The following MAPK10 variants were observed in gnomAD, a reference collection of about 807,000 sequenced individuals.
MAPK10 encodes the protein mitogen-activated protein kinase 10, also known as JNK3 alpha protein kinase.
A neutral mutation model predicts 59.3 loss-of-function variants in MAPK10; 25 were observed. That is an observed-to-expected ratio of 0.42 (90% CI 0.31 to 0.59). The LOEUF is 0.59. Ranked by LOEUF, MAPK10 falls within the 20% of genes least tolerant of loss-of-function variation. The probability of loss-of-function intolerance (pLI) is 0.15; values close to 1 mark genes in which losing one functional copy is unlikely to be tolerated. For synonymous variants in MAPK10, 190 were observed against 200.5 expected (o/e 0.95, Z 0.44); for missense variants, 351 against 568.9 (o/e 0.62, Z 3.90).
intron 2 of MAPK10, among the ~76,000 whole-genome samples, chr4:86,342,994 TC>T (rs1215037678): frequency 6.6e-6 from 1 of 152,112 alleles, no homozygotes; most frequent in African/African-American, 2.4e-5. Flanking sequence ...ATTCAGGGCC[TC>T]CCTCAGTCTG....
intron 1 of MAPK10, among the ~76,000 whole-genome samples, chr4:86,557,442 T>G (rs983444478): frequency 1.5e-4 from 23 of 152,048 alleles, no homozygotes; most frequent in African/African-American, 5.3e-4. Context: ...TTTTAAAATC[T>G]AAGAAAAGTA....
chr4:86,155,023 C>A (rs1273648937), intron 4 of MAPK10, among the ~76,000 whole-genome samples: 1 of 152,160 alleles, frequency 6.6e-6, no homozygotes, highest in Non-Finnish European at 1.5e-5. Flanking sequence ...ATGTTCCCAA[C>A]CTTTTCCAAT....
At chr4:86,235,667 C>A (rs901196446) in intron 2 of MAPK10, among the ~76,000 whole-genome samples, 3 of 152,116 alleles carry the variant, frequency 2.0e-5, no homozygotes, top group African/African-American at 7.2e-5. Context: ...AAAATCTAAG[C>A]CCTCAAGCAT....
At chr4:86,238,163 A>T (rs1192970143) in intron 2 of MAPK10, among the ~76,000 whole-genome samples, 3 of 151,920 alleles carry the variant, frequency 2.0e-5, no homozygotes, top group Non-Finnish European at 2.9e-5. Flanking sequence ...GTAGGTGTGT[A>T]GTGTTATTTT....
rs189869007 is a variant in MAPK10, at chr4:86,266,735, C to T, written c.-6-72328G>A. On this transcript the variant is annotated intron_variant, in intron 2 of 13. Coordinates refer to ENST00000641462, the MANE Select transcript of MAPK10 (RefSeq NM_138982.4). The stretch of plus-strand genomic sequence containing the variant: ...GAGAAGCTTTATTATGTTTGCAACT[C>T]TGAAATTCAGTTAATCCTCTTAAGC... Among the ~76,000 whole-genome samples the T allele has an allele frequency of 5.9e-5, 9 of 152,180 alleles. No homozygotes were observed. The East Asian group carries it at 7.7e-4, about 13-fold the overall frequency.
At chr4:86,257,467 C>A (rs904535005) in intron 2 of MAPK10, among the ~76,000 whole-genome samples, 2 of 152,188 alleles carry the variant, frequency 1.3e-5, no homozygotes, top group African/African-American at 2.4e-5. Context: ...TTGGGACTCA[C>A]GTGATCCATT....
At chr4:86,203,804 G>A (rs2083197049) in intron 2 of MAPK10, among the ~76,000 whole-genome samples, 1 of 151,278 alleles carries the variant, frequency 6.6e-6, no homozygotes, top group Admixed American at 6.6e-5. Flanking sequence ...CAAAAGACCA[G>A]ATGAAAAATA....
chr4:86,311,035 T>TACACACACACACACACACACAC (rs143712904), intron 2 of MAPK10, among the ~76,000 whole-genome samples: 3 of 141,964 alleles, frequency 2.1e-5, no homozygotes, highest in East Asian at 2.1e-4. Flanking sequence ...AGTTTTAAGT[T>TACACACACACACACACACACAC]ACACACACAC....
chr4:86,056,526 C>A (rs904663708), intron 11 of MAPK10, among the ~76,000 whole-genome samples: 1 of 150,012 alleles, frequency 6.7e-6, no homozygotes, highest in Admixed American at 6.6e-5. Flanking sequence ...GGTTAAGCCA[C>A]AGTTAATAAA....
chr4:86,289,069 A>G (rs1189408458), intron 2 of MAPK10, among the ~76,000 whole-genome samples: 1 of 152,202 alleles, frequency 6.6e-6, no homozygotes, highest in African/African-American at 2.4e-5. Flanking sequence ...ACTGGTACAG[A>G]ATTATATTTA....
At chr4:86,369,413 G>C (rs1738410222) in intron 1 of MAPK10, among the ~76,000 whole-genome samples, 2 of 152,134 alleles carry the variant, frequency 1.3e-5, no homozygotes, top group African/African-American at 4.8e-5. Context: ...TTCTGGGTCT[G>C]TCTTATCAAA....
chr4:86,137,204 C>A (rs1018017980), intron 4 of MAPK10, among the ~76,000 whole-genome samples: 2 of 151,854 alleles, frequency 1.3e-5, no homozygotes, highest in East Asian at 3.8e-4. Flanking sequence ...ATCTACAGAA[C>A]TCACCACCCC....
intron 1 of MAPK10, among the ~76,000 whole-genome samples, chr4:86,421,432 A>AT (rs1746527426): frequency 6.6e-6 from 1 of 152,194 alleles, no homozygotes; most frequent in African/African-American, 2.4e-5. Context: ...GAGACGGTTG[A>AT]TTTTACACAT....
At chr4:86,396,695 C>T (rs116735056) in intron 1 of MAPK10, among the ~76,000 whole-genome samples, 71 of 152,128 alleles carry the variant, frequency 4.7e-4, no homozygotes, top group African/African-American at 1.7e-3. Context: ...TGAGAGAAGG[C>T]GAAACGGGAA....
intron 3 of MAPK10, among the ~76,000 whole-genome samples, chr4:86,170,237 A>G (rs557532559): frequency 6.6e-6 from 1 of 152,178 alleles, no homozygotes; most frequent in Non-Finnish European, 1.5e-5. Context: ...AAATGGACTA[A>G]ATGGTCCAAT....
At chr4:86,047,671 C>G (rs796704170) in intron 11 of MAPK10, among the ~76,000 whole-genome samples, 2 of 152,088 alleles carry the variant, frequency 1.3e-5, no homozygotes, top group Non-Finnish European at 2.9e-5. Context: ...CACTTGTACA[C>G]GCATGCTGGG....
At chr4:86,375,739 A>T (rs868425220) in intron 1 of MAPK10, among the ~76,000 whole-genome samples, 1 of 150,146 alleles carries the variant, frequency 6.7e-6, no homozygotes, top group African/African-American at 2.5e-5. Flanking sequence ...AAAAAAAAAA[A>T]AAAATTAAAT....
intron 1 of MAPK10, among the ~76,000 whole-genome samples, chr4:86,578,378 G>C (rs1762043451): frequency 6.6e-6 from 1 of 152,170 alleles, no homozygotes; most frequent in Non-Finnish European, 1.5e-5. Flanking sequence ...AATCCCAGCA[G>C]CTCTTGACCA....
chr4:86,543,651 G>T (rs539025127), intron 1 of MAPK10, among the ~76,000 whole-genome samples: 56 of 152,250 alleles, frequency 3.7e-4, no homozygotes, highest in Non-Finnish European at 6.5e-4. Flanking sequence ...ACAAAAAAGA[G>T]AAGAACTAAA....
Sources: allele counts gnomAD v4.1 joint callset (sites outside exome capture counted in the v4.1 genomes callset), GRCh38; gene constraint gnomAD v4.1.1; transcripts MANE v1.5; gene names NCBI Gene and HGNC (gene_info 2026-07-23, HGNC 2026-07-21).